PPP1R16B: variants seen among roughly 807,000 people sequenced by gnomAD.
PPP1R16B encodes protein phosphatase 1 regulatory subunit 16B.
PPP1R16B carries 14 observed loss-of-function variants against 61.7 expected under a neutral mutation model. That is an observed-to-expected ratio of 0.23 (90% CI 0.15 to 0.35). PPP1R16B has a LOEUF of 0.35. PPP1R16B is among the 10% of genes least tolerant of loss of function. The pLI, the probability that PPP1R16B is intolerant of heterozygous loss-of-function variation, is 1.00. For missense variants in PPP1R16B, 547 were observed against 752.5 expected, an observed-to-expected ratio of 0.73 and a Z score of 3.19; for synonymous variants, 266 against 305.3, an observed-to-expected ratio of 0.87 and a Z score of 1.34.
At chr20:38,811,866 A>C (rs1171944105) in intron 1 of PPP1R16B, among the ~76,000 whole-genome samples, 3 of 152,174 alleles carry the variant, frequency 2.0e-5, no homozygotes, top group Non-Finnish European at 4.4e-5. Context: ...AATAGTGCTG[A>C]GGTTAAGAAA....
chr20:38,907,191 G>A lies in PPP1R16B; in HGVS notation c.898+137G>A, dbSNP rs2085450593. 1 of 687,920 alleles carries A rather than the reference G, an allele frequency of 1.5e-6. No individual in the cohort carries two copies. The allele number at this position is 687,920 out of a possible 1,614,324, so 42.6% of individuals were successfully genotyped here. A position where few individuals can be genotyped will look rare whatever the true frequency, so the allele number is the denominator to read the frequency against. On this transcript the variant is annotated intron_variant, in intron 8 of 10. Coordinates refer to ENST00000299824, the MANE Select transcript of PPP1R16B (RefSeq NM_015568.4). This position sits in a 1 kb window ranked among gnomAD's most constrained non-coding sequence, Gnocchi z 4.5. ...AGATAGATAGATGGATTAATTAATG[G>A]ATGGTAGATGAATGGACGGATGGAC...
rs1317350807 is a variant in PPP1R16B at position 38,873,300 on chromosome 20, G to A, written c.251-16295G>A. On this transcript the variant is annotated intron_variant, in intron 2 of 10. Transcript: ENST00000299824. ...GTGGGTGAGGGGGAGGTTGGGTTCT[G>A]AGACGTCTGGGAGGCCTGGGCTCTT... 2.0e-5 allele frequency among the ~76,000 whole-genome samples: 3 copies of A among 152,292 alleles called. No homozygotes were observed. In the South Asian group the frequency reaches 6.2e-4, roughly 32 times the overall value.
chr20:38,811,272 C>A (rs532929112), intron 1 of PPP1R16B, among the ~76,000 whole-genome samples: 1 of 152,200 alleles, frequency 6.6e-6, no homozygotes, highest in Non-Finnish European at 1.5e-5. Flanking sequence ...AGAGGACATC[C>A]AAACACAGGC....
At chr20:38,855,105 C>T (rs1428301228) in intron 2 of PPP1R16B, among the ~76,000 whole-genome samples, 1 of 152,108 alleles carries the variant, frequency 6.6e-6, no homozygotes, top group Non-Finnish European at 1.5e-5. Flanking sequence ...AGAGCCCTTG[C>T]AGAGTCTCTA....
In PPP1R16B at chr20:38,907,101, T is replaced by A. The variant is rs2085450005; in HGVS notation, c.898+47T>A. 7.0e-7 allele frequency: 1 copy of A among 1,429,956 alleles called. No homozygotes were observed. Among genetic ancestry groups the A allele is most frequent in the Non-Finnish European group, 9.9e-7 (1 of 1,012,428 alleles). 88.6% of individuals were successfully genotyped at this position (1,429,956 alleles called of 1,614,324 possible). ...GTGTGCACAAATAGGCAGTTATCAATGTTTTGATGGGTAGAGGGAGAAATA... is the reference window on the plus strand; with the variant it reads ...GTGTGCACAAATAGGCAGTTATCAAAGTTTTGATGGGTAGAGGGAGAAATA... On this transcript the variant is annotated intron_variant, in intron 8 of 10. Coordinates refer to ENST00000299824, the MANE Select transcript of PPP1R16B (RefSeq NM_015568.4). The surrounding 1 kb of genome is among the most constrained non-coding windows in gnomAD (Gnocchi z 4.5).
intron 2 of PPP1R16B, among the ~76,000 whole-genome samples, chr20:38,883,811 A>T (rs2085221469): frequency 6.6e-6 from 1 of 152,236 alleles, no homozygotes; most frequent in East Asian, 1.9e-4. Flanking sequence ...TTTTAAAATA[A>T]ATGCTAACAG....
At position 38,907,311 on chromosome 20, in the gene PPP1R16B, GTGGATGGATGGATGGATGGA is replaced by G. The variant is rs11470382; in HGVS notation, c.898+275_898+294del. On this transcript the variant is annotated intron_variant, in intron 8 of 10. Coordinates refer to ENST00000299824, the MANE Select transcript of PPP1R16B (RefSeq NM_015568.4). This position sits in a 1 kb window ranked among gnomAD's most constrained non-coding sequence, Gnocchi z 4.5. ...TCTGGTTGAATGGATGGGTGGGTGG[GTGGATGGATGGATGGATGGA>G]TGGATGGATGGATGGATAGACAGAA... Among the ~76,000 whole-genome samples, 2 of 150,562 alleles carry G rather than the reference GTGGATGGATGGATGGATGGA, an allele frequency of 1.3e-5. No homozygotes were observed. The highest frequency in any genetic ancestry group is 3.0e-5 in the Non-Finnish European group (2 of 67,666).
At chr20:38,912,492 C>G (rs117867336) in intron 10 of PPP1R16B, among the ~76,000 whole-genome samples, 2,091 of 138,078 alleles carry the variant, frequency 0.015, 27 homozygotes, top group Middle Eastern at 0.031. Flanking sequence ...GACCGTATCT[C>G]TACCCCCCAC....
intron 3 of PPP1R16B, among the ~76,000 whole-genome samples, chr20:38,889,866 G>A (rs1254123516): frequency 1.3e-5 from 2 of 152,246 alleles, no homozygotes; most frequent in Non-Finnish European, 2.9e-5. Flanking sequence ...AGAGCCCTGT[G>A]TGCGCCCGCA....
intron 1 of PPP1R16B, among the ~76,000 whole-genome samples, chr20:38,825,470 T>G (rs1004321394): frequency 6.6e-6 from 1 of 152,184 alleles, no homozygotes; most frequent in African/African-American, 2.4e-5. Flanking sequence ...TAGACCAATT[T>G]GTAATAGAAC....
At chr20:38,829,575 C>T (rs950532065) in intron 1 of PPP1R16B, among the ~76,000 whole-genome samples, 6 of 152,214 alleles carry the variant, frequency 3.9e-5, no homozygotes, top group African/African-American at 1.4e-4. Flanking sequence ...ATTGCTCTCC[C>T]AGGTCCTGGC....
At chr20:38,912,503 C>CAAA (rs58456397) in intron 10 of PPP1R16B, among the ~76,000 whole-genome samples, 35 of 81,002 alleles carry the variant, frequency 4.3e-4, no homozygotes, top group South Asian at 8.4e-4. Context: ...TACCCCCCAC[C>CAAA]AAAAAAAAAA....
intron 4 of PPP1R16B, 81 bp from the exon 5 acceptor site, chr20:38,900,500 G>A (rs1307425423): frequency 4.6e-6 from 5 of 1,077,446 alleles, no homozygotes; most frequent in African/African-American, 1.6e-5. Context: ...TAGGATTGCA[G>A]GCGAGAGGCC....
Position 38,906,103 on chromosome 20 carries a change from C to T in PPP1R16B, c.822+9C>T, listed in dbSNP as rs1287805423. 4 of 1,611,382 alleles carry T rather than the reference C, an allele frequency of 2.5e-6. No individual in the cohort carries two copies. In the East Asian group the frequency reaches 6.7e-5, roughly 27 times the overall value. ...CTGCCTTCTGGGGACAGGTAGTTCT[C>T]ACCCACAGGGCTGTGGGGGAGGCCG... On this transcript the variant is annotated intron_variant, in intron 7 of 10. Coordinates refer to ENST00000299824, the MANE Select transcript of PPP1R16B (RefSeq NM_015568.4).
At chr20:38,902,926 A>C in intron 6 of PPP1R16B, 134 bp downstream of exon 6, 1 of 1,399,642 alleles carries the variant, frequency 7.1e-7, no homozygotes, top group Admixed American at 2.2e-5. Flanking sequence ...TTGGGCCAGG[A>C]TTGCCCCTGG....
At chr20:38,884,216 G>A (rs549370902) in intron 2 of PPP1R16B, among the ~76,000 whole-genome samples, 2 of 152,240 alleles carry the variant, frequency 1.3e-5, no homozygotes, top group Non-Finnish European at 2.9e-5. Flanking sequence ...GACCCCTGGC[G>A]TGGCTGAGCA....
At chr20:38,813,767 CATTATTATTATTATTATTATT>C (rs371284370) in intron 1 of PPP1R16B, among the ~76,000 whole-genome samples, 3 of 132,062 alleles carry the variant, frequency 2.3e-5, no homozygotes, top group Admixed American at 7.7e-5. Flanking sequence ...TCATCATCAT[CATTATTATTATTATTATTATT>C]ATTATTATTA....
At chr20:38,888,316 C>T (rs1216596767) in intron 2 of PPP1R16B, among the ~76,000 whole-genome samples, 5 of 152,196 alleles carry the variant, frequency 3.3e-5, no homozygotes, top group Non-Finnish European at 4.4e-5. Context: ...TTCATCAGCA[C>T]GATGGCACGA....
chr20:38,851,398 G>C (rs2084968132), intron 2 of PPP1R16B, among the ~76,000 whole-genome samples: 1 of 152,022 alleles, frequency 6.6e-6, no homozygotes, highest in Admixed American at 6.5e-5. Context: ...ACAGGAGGTG[G>C]AGGTTGCAGT....
Sources: allele counts gnomAD v4.1 joint callset (sites outside exome capture counted in the v4.1 genomes callset), GRCh38; gene constraint gnomAD v4.1.1; non-coding constraint Gnocchi (gnomAD v3.1); transcripts MANE v1.5; gene names NCBI Gene and HGNC (gene_info 2026-07-23, HGNC 2026-07-21).